The following IKZF3 variants were observed in gnomAD, a reference collection of about 807,000 sequenced individuals.
IKZF3 encodes the protein zinc finger protein Aiolos.
Under a neutral mutation model 49.0 loss-of-function variants are expected in IKZF3, and 10 were observed. The observed-to-expected ratio is 0.20, with a 90% CI of 0.13 to 0.35. The LOEUF is 0.35. IKZF3 is among the 10% of genes least tolerant of loss of function. IKZF3 has a pLI of 1.00. For missense variants in IKZF3, 498 were observed against 664.8 expected (o/e 0.75, Z 2.76); for synonymous variants, 209 against 228.2 (o/e 0.92, Z 0.76).
At chr17:39,844,811 G>A (rs1007787211) in intron 1 of IKZF3, among the ~76,000 whole-genome samples, 2 of 151,904 alleles carry the variant, frequency 1.3e-5, no homozygotes, top group South Asian at 4.2e-4. Flanking sequence ...TAGTAGAGAT[G>A]GGGTTTCTCC....
chr17:39,862,294 G>A (rs2063234476), intron 1 of IKZF3, among the ~76,000 whole-genome samples: 2 of 152,100 alleles, frequency 1.3e-5, no homozygotes, highest in South Asian at 4.1e-4. Flanking sequence ...ATGATATACA[G>A]TATTGCATTG....
intron 3 of IKZF3, among the ~76,000 whole-genome samples, chr17:39,794,489 G>T (rs1409252246): frequency 6.6e-6 from 1 of 152,166 alleles, no homozygotes; most frequent in South Asian, 2.1e-4. Context: ...CTTCTATCAA[G>T]GTTACCTTTC....
intron 3 of IKZF3, among the ~76,000 whole-genome samples, chr17:39,822,350 G>A (rs2061832179): frequency 6.6e-6 from 1 of 152,134 alleles, no homozygotes; most frequent in African/African-American, 2.4e-5. Flanking sequence ...AATCATGGAG[G>A]TGGTTTCCCC....
chr17:39,776,780 T>C (rs1402086370), intron 7 of IKZF3, among the ~76,000 whole-genome samples: 1 of 152,146 alleles, frequency 6.6e-6, no homozygotes, highest in Non-Finnish European at 1.5e-5. Flanking sequence ...ACAAAAGGAC[T>C]GAAATAAAAA....
chr17:39,836,990 G>GAGT (rs2062305321), intron 1 of IKZF3, among the ~76,000 whole-genome samples: 2 of 151,870 alleles, frequency 1.3e-5, no homozygotes, highest in Admixed American at 6.6e-5. Flanking sequence ...GGAGTGCAGT[G>GAGT]GCACAATCAT....
intron 3 of IKZF3, among the ~76,000 whole-genome samples, chr17:39,824,088 C>T (rs183333478): frequency 8.5e-5 from 13 of 152,338 alleles, no homozygotes; most frequent in Admixed American, 4.6e-4. Flanking sequence ...GGGAAGGGGA[C>T]TGTACCCTGC....
intron 1 of IKZF3, among the ~76,000 whole-genome samples, chr17:39,845,453 G>A (rs1432502696): frequency 6.6e-6 from 1 of 151,924 alleles, no homozygotes; most frequent in Non-Finnish European, 1.5e-5. Context: ...GAACCTGGGA[G>A]GCAGAGGTTT....
chr17:39,843,018 G>A (rs1257657905), intron 1 of IKZF3, among the ~76,000 whole-genome samples: 1 of 152,232 alleles, frequency 6.6e-6, no homozygotes, highest in Admixed American at 6.5e-5. Flanking sequence ...TGCAGGGATA[G>A]TTTACAAAGC....
At chr17:39,807,351 CCAAA>C (rs1488131346) in intron 3 of IKZF3, among the ~76,000 whole-genome samples, 1 of 151,426 alleles carries the variant, frequency 6.6e-6, no homozygotes, top group Non-Finnish European at 1.5e-5. Context: ...TGAATGTCCA[CCAAA>C]CAGTGAATTG....
In IKZF3 at chr17:39,860,651, CTAAACACTGGG is replaced by C. The variant is rs368166499; in HGVS notation, c.7+3458_7+3468del. On this transcript the variant is annotated intron_variant, in intron 1 of 7. Coordinates refer to ENST00000346872, the MANE Select transcript of IKZF3 (RefSeq NM_012481.5). ...GCATGTTCTCACTTATGACGGGGAG[CTAAACACTGGG>C]TACACATGGACTGTTATGAATTAAT... Among the ~76,000 whole-genome samples the C allele has an allele frequency of 2.8e-3, 422 of 152,266 alleles. 1 individual carries two copies. The highest frequency in any genetic ancestry group is 9.4e-3 in the African/African-American group (392 of 41,542).
At chr17:39,777,802 G>A (rs773630034) in intron 6 of IKZF3, 35 bp from the exon 7 acceptor site, 159 of 1,598,534 alleles carry the variant, frequency 9.9e-5, no homozygotes, top group Admixed American at 1.4e-4. Context: ...AGAGAGAAAA[G>A]AACACATTGG....
At position 39,777,782 on chromosome 17, in the gene IKZF3, T is replaced by A; in HGVS notation, c.710-15A>T. 1 of 1,604,408 alleles carries A rather than the reference T, an allele frequency of 6.2e-7. No homozygotes were observed. Among genetic ancestry groups the A allele is most frequent in the East Asian group, 2.2e-5 (1 of 44,728 alleles). On this transcript the variant is annotated splice_polypyrimidine_tract_variant and intron_variant, in intron 6 of 7. Coordinates refer to ENST00000346872, the MANE Select transcript of IKZF3 (RefSeq NM_012481.5). ...CTCCGCACTTGCTAGTTTGGAAAAA[T>A]GTAAAAAGAAGAGAGAAAAGAACAC...
chr17:39,812,719 A>G (rs2061588715), intron 3 of IKZF3, among the ~76,000 whole-genome samples: 1 of 152,208 alleles, frequency 6.6e-6, no homozygotes, highest in Non-Finnish European at 1.5e-5. Flanking sequence ...AGCTGCTATG[A>G]AAGTTAGCAG....
At chr17:39,791,245 A>G (rs892280581) in intron 5 of IKZF3, among the ~76,000 whole-genome samples, 171 bp downstream of exon 5, 7 of 152,114 alleles carry the variant, frequency 4.6e-5, no homozygotes, top group Non-Finnish European at 8.8e-5. Context: ...GCAGACGGAG[A>G]GCAATTAGTG....
intron 7 of IKZF3, among the ~76,000 whole-genome samples, chr17:39,769,005 A>G (rs1448492385): frequency 6.6e-6 from 1 of 152,216 alleles, no homozygotes; most frequent in Non-Finnish European, 1.5e-5. Context: ...GCATCAAATT[A>G]AGTCTAAATT....
chr17:39,818,932 C>T (rs979967734), intron 3 of IKZF3, among the ~76,000 whole-genome samples: 16 of 146,098 alleles, frequency 1.1e-4, no homozygotes, highest in Non-Finnish European at 2.1e-4. Context: ...TTTTCTCTTT[C>T]CCAAATTATT....
intron 1 of IKZF3, chr17:39,835,070 G>T: frequency 2.4e-6 from 1 of 422,014 alleles, no homozygotes. Flanking sequence ...AGGAGCTGGA[G>T]CCCCCGCCAG....
Position 39,792,839 on chromosome 17 carries a change from A to G in IKZF3, c.258T>C (p.Pro86=). 6.2e-7 allele frequency: 1 copy of G among 1,614,124 alleles called. No individual in the cohort carries two copies. The highest frequency in any genetic ancestry group is 1.3e-5 in the African/African-American group (1 of 75,048). Residue 86 remains proline, a synonymous_variant, in exon 4 of 8, where the codon CCT becomes CCC. Transcript: ENST00000346872. ...PMGNAEEPEI[P]YSYSREYNEY... ...CATTATATTCTCTTGAATAGCTGTA[A>G]GGGATTTCAGGCTCTTCTGCATTTC...
intron 1 of IKZF3, among the ~76,000 whole-genome samples, chr17:39,847,794 A>G (rs1488075715): frequency 6.6e-6 from 1 of 152,218 alleles, no homozygotes; most frequent in African/African-American, 2.4e-5. Flanking sequence ...ATGACAAAAA[A>G]CATAAAGGCC....
Sources: allele counts gnomAD v4.1 joint callset (sites outside exome capture counted in the v4.1 genomes callset), GRCh38; gene constraint gnomAD v4.1.1; transcripts MANE v1.5; gene names NCBI Gene and HGNC (gene_info 2026-07-23, HGNC 2026-07-21).